Variants in ACTN1 observed in about 807,000 individuals in gnomAD.
The protein encoded by ACTN1 is actinin alpha 1.
In ACTN1, 30 loss-of-function variants were observed where a neutral mutation model predicts 119.6. The ratio of observed to expected loss-of-function variants is 0.25; its 90% CI spans 0.19 to 0.34. ACTN1 has a LOEUF of 0.34. Ranked by LOEUF, ACTN1 falls within the 10% of genes least tolerant of loss-of-function variation. ACTN1 has a pLI of 1.00. For synonymous variants in ACTN1, 429 were observed against 472.6 expected (o/e 0.91, Z 1.20); for missense variants, 764 against 1,223.4 (o/e 0.62, Z 5.60).
chr14:68,949,311 G>A (rs777831440), intron 1 of ACTN1, among the ~76,000 whole-genome samples: 3 of 152,286 alleles, frequency 2.0e-5, no homozygotes, highest in South Asian at 2.1e-4. Context: ...TCCAAAACAC[G>A]AGGAGGTCAG....
At chr14:68,951,855 T>A (rs2036182056) in intron 1 of ACTN1, among the ~76,000 whole-genome samples, 1 of 152,210 alleles carries the variant, frequency 6.6e-6, no homozygotes, top group South Asian at 2.1e-4. Context: ...GTTCGTTCAT[T>A]CATTCAAGAT....
intron 1 of ACTN1, among the ~76,000 whole-genome samples, chr14:68,939,079 T>C (rs945900214): frequency 6.6e-6 from 1 of 152,214 alleles, no homozygotes; most frequent in Admixed American, 6.5e-5. Flanking sequence ...TGGGCCACCA[T>C]GAGACTCTGA....
At chr14:68,941,446 C>T (rs2035759353) in intron 1 of ACTN1, among the ~76,000 whole-genome samples, 1 of 152,192 alleles carries the variant, frequency 6.6e-6, no homozygotes, top group Non-Finnish European at 1.5e-5. Context: ...AGGACCAAGG[C>T]TTAGTGGCTA....
intron 1 of ACTN1, among the ~76,000 whole-genome samples, chr14:68,949,363 GCAC>G (rs1390129935): frequency 6.6e-6 from 1 of 152,206 alleles, no homozygotes; most frequent in African/African-American, 2.4e-5. Flanking sequence ...AGGCCCTTCT[GCAC>G]CACAAGATTC....
intron 1 of ACTN1, among the ~76,000 whole-genome samples, chr14:68,938,948 T>A (rs2035660786): frequency 6.6e-6 from 1 of 152,116 alleles, no homozygotes; most frequent in Non-Finnish European, 1.5e-5. Context: ...TTTACACCCA[T>A]CTACAGCCCA....
chr14:68,967,848 G>C (rs2036754354), intron 1 of ACTN1, among the ~76,000 whole-genome samples: 1 of 152,224 alleles, frequency 6.6e-6, no homozygotes, highest in Non-Finnish European at 1.5e-5. Context: ...TCTACATGCA[G>C]CCCAAGCCTC....
rs546156161 is a variant in ACTN1 at position 68,884,126 on chromosome 14, C to T, written c.1635+42G>A. 14 of 1,586,146 alleles carry T rather than the reference C, an allele frequency of 8.8e-6. No individual in the cohort carries two copies. In the South Asian group the frequency reaches 9.1e-5, roughly 10 times the overall value. On this transcript the variant is annotated intron_variant, in intron 14 of 21. Transcript: ENST00000394419. ...TGACCCACAGAGCATGGGCCAGGGGCCCCAGGGGAGCCAGCCTCCGGGGAG... is the reference window on the plus strand; with the variant it reads ...TGACCCACAGAGCATGGGCCAGGGGTCCCAGGGGAGCCAGCCTCCGGGGAG...
intron 1 of ACTN1, among the ~76,000 whole-genome samples, chr14:68,935,352 C>T (rs1167927381): frequency 6.7e-6 from 1 of 148,526 alleles, no homozygotes; most frequent in Non-Finnish European, 1.5e-5. Flanking sequence ...ATGATCTGCT[C>T]CCTCTCCCTT....
At chr14:68,934,823 T>TA (rs1462597348) in intron 1 of ACTN1, among the ~76,000 whole-genome samples, 2 of 152,160 alleles carry the variant, frequency 1.3e-5, no homozygotes, top group Admixed American at 6.5e-5. Context: ...ACTGCTTATA[T>TA]ATAATTAACC....
chr14:68,953,408 G>C (rs1047947590), intron 1 of ACTN1, among the ~76,000 whole-genome samples: 1 of 152,130 alleles, frequency 6.6e-6, no homozygotes, highest in Non-Finnish European at 1.5e-5. Context: ...ACTAATCAGC[G>C]TGCCCAGCAC....
chr14:68,885,748 C>T lies in ACTN1; in HGVS notation c.1235-173G>A, dbSNP rs2031948373. 2.8e-6 allele frequency: 2 copies of T among 707,442 alleles called. No homozygotes were observed. Among genetic ancestry groups the T allele is most frequent in the South Asian group, 3.8e-5 (2 of 52,312 alleles). 43.8% of individuals were successfully genotyped at this position (707,442 alleles called of 1,614,324 possible). On this transcript the variant is annotated intron_variant, in intron 11 of 21. Transcript: ENST00000394419. The surrounding 1 kb of genome is among the most constrained non-coding windows in gnomAD (Gnocchi z 5.6). Reference sequence around the variant, plus strand: ...AGCAGATGTGCAACTAGAACATCCACCAACCGGCGCAACGGGGAAAAGCAC... The same window carrying T: ...AGCAGATGTGCAACTAGAACATCCATCAACCGGCGCAACGGGGAAAAGCAC...
intron 1 of ACTN1, among the ~76,000 whole-genome samples, chr14:68,963,723 T>C (rs2036614196): frequency 6.6e-6 from 1 of 152,242 alleles, no homozygotes; most frequent in Non-Finnish European, 1.5e-5. Flanking sequence ...TATGATATCA[T>C]TTCTTCTCCG....
intron 1 of ACTN1, among the ~76,000 whole-genome samples, chr14:68,951,551 G>A (rs551290420): frequency 5.9e-5 from 9 of 152,308 alleles, no homozygotes; most frequent in Non-Finnish European, 1.2e-4. Context: ...TGACGTTCCC[G>A]CTGACTAGCT....
rs573191522 is a variant in ACTN1, at chr14:68,966,537, G to A, written c.105+12415C>T. Reference sequence around the variant, plus strand: ...CTTCCTGTTCCTGGGGGACAAGATAGGTTTCTGCCAAACAACTCTCTGGCC... The same window carrying A: ...CTTCCTGTTCCTGGGGGACAAGATAAGTTTCTGCCAAACAACTCTCTGGCC... On this transcript the variant is annotated intron_variant, in intron 1 of 21. Transcript: ENST00000394419. Among the ~76,000 whole-genome samples the A allele has an allele frequency of 3.3e-5, 5 of 152,282 alleles. No individual in the cohort carries two copies. In the East Asian group the frequency reaches 7.7e-4, roughly 23 times the overall value.
At chr14:68,971,335 C>CTGGTTGGT (rs542585626) in intron 1 of ACTN1, among the ~76,000 whole-genome samples, 1 of 152,222 alleles carries the variant, frequency 6.6e-6, no homozygotes, top group South Asian at 2.1e-4. Flanking sequence ...TTAATAAGTA[C>CTGGTTGGT]TGGTTGGTTG....
In ACTN1 at chr14:68,885,035, C is replaced by T. The variant is rs187482511; in HGVS notation, c.1386-152G>A. ...GACCTTCCAGGCACTCCTTCCACCC[C>T]TCCCCTCTTTCAGGAGACTGGCAGA... On this transcript the variant is annotated intron_variant, in intron 12 of 21. Coordinates refer to ENST00000394419, the MANE Select transcript of ACTN1 (RefSeq NM_001130004.2). The surrounding 1 kb of genome is among the most constrained non-coding windows in gnomAD (Gnocchi z 5.6). 1,383 of 653,396 alleles carry T rather than the reference C, an allele frequency of 2.1e-3. 7 individuals are homozygous for T. Among genetic ancestry groups the T allele is most frequent in the South Asian group, 2.1e-3 (113 of 53,202 alleles). 40.5% of individuals were successfully genotyped at this position (653,396 alleles called of 1,614,324 possible).
rs1005414955 is a variant in ACTN1, at chr14:68,907,571, C to CAAAACA, written c.594+1741_594+1746dup. 4.6e-5 allele frequency among the ~76,000 whole-genome samples: 7 copies of CAAAACA among 151,964 alleles called. No individual in the cohort carries two copies. The East Asian group carries it at 9.7e-4, about 21-fold the overall frequency. The stretch of plus-strand genomic sequence containing the variant: ...AATAGTGAAACTCTGTCTCAAAAAA[C>CAAAACA]AAAACAAAAACAAAAACAAAAAAAC... On this transcript the variant is annotated intron_variant, in intron 6 of 21. Transcript: ENST00000394419.
Position 68,879,037 on chromosome 14 carries a change from G to T in ACTN1, c.2313C>A (p.Phe771Leu). 6.2e-7 allele frequency: 1 copy of T among 1,613,246 alleles called. No homozygotes were observed. Among genetic ancestry groups the T allele is most frequent in the Non-Finnish European group, 8.5e-7 (1 of 1,179,810 alleles). ...AACCCAAGCTGATGAGGCAGGCTTT[G>T]AACTCCTCGGGACCCAGTGTGCCGG... ...DHSGTLGPEEFKACLISLGYD... is the reference protein window; with the variant it reads ...DHSGTLGPEELKACLISLGYD... Residue 771 changes from phenylalanine (F) to leucine (L), a missense_variant, in exon 19 of 22, where the codon TTC (phenylalanine) becomes TTA (leucine). By Grantham distance (22) the Phe-to-Leu change is conservative. Around this residue, in one of 4 missense-constraint regions of ACTN1, gnomAD observed 544 missense variants for 912.0 expected, o/e 0.60. Coordinates refer to ENST00000394419, the MANE Select transcript of ACTN1 (RefSeq NM_001130004.2). The surrounding 1 kb of genome is among the most constrained non-coding windows in gnomAD (Gnocchi z 4.9).
intron 1 of ACTN1, among the ~76,000 whole-genome samples, chr14:68,960,779 A>T (rs1341569952): frequency 6.6e-6 from 1 of 151,980 alleles, no homozygotes; most frequent in Admixed American, 6.6e-5. Flanking sequence ...AACAACAAAA[A>T]ACTTCTGAAG....
Sources: gnomAD v4.1 joint callset for allele counts (sites outside exome capture counted in the v4.1 genomes callset) on GRCh38, gnomAD v4.1.1 for gene constraint, gnomAD v4.1.1 regional missense constraint, Gnocchi (gnomAD v3.1) non-coding constraint, MANE v1.5 for transcripts, NCBI Gene and HGNC (gene_info 2026-07-23, HGNC 2026-07-21) for gene names.